ZNF536: variants seen among roughly 807,000 people sequenced by gnomAD.
ZNF536 encodes the protein zinc finger protein 536.
A neutral mutation model predicts 84.5 loss-of-function variants in ZNF536; 13 were observed. The ratio of observed to expected loss-of-function variants is 0.15; its 90% confidence interval spans 0.10 to 0.24. ZNF536 has a LOEUF of 0.24. Among genes scored for constraint, ZNF536 ranks in the 10% least tolerant of loss-of-function variants. ZNF536 has a pLI of 1.00. For synonymous variants in ZNF536, 811 were observed against 742.5 expected, an observed-to-expected ratio of 1.09 and a Z score of -1.50; for missense variants, 1,536 against 1,747.5, an observed-to-expected ratio of 0.88 and a Z score of 2.16.
At position 30,337,643 on chromosome 19, in the gene ZNF536, C is replaced by T. The variant is rs79349005; in HGVS notation, c.-119-14725C>T. 7.6e-3 allele frequency among the ~76,000 whole-genome samples: 1,153 copies of T among 152,294 alleles called. 18 individuals are homozygous for T. Among genetic ancestry groups the T allele is most frequent in the African/African-American group, 0.026 (1,061 of 41,560 alleles). The stretch of plus-strand genomic sequence containing the variant: ...CCTAGATGAGGCCTTCCTTATCTCC[C>T]TCACAGGGGCCAGAGACATGGCTAT... On this transcript the variant is annotated intron_variant, in intron 2 of 5. Transcript: ENST00000585628.
At chr19:30,662,962 C>CTTTTTTTTTT (rs951081577) in intron 1 of ZNF536, among the ~76,000 whole-genome samples, 10 of 78,768 alleles carry the variant, frequency 1.3e-4, no homozygotes, top group Admixed American at 2.7e-4. Flanking sequence ...TTTTTCGTTT[C>CTTTTTTTTTT]TTTTTTTTTT....
intron 1 of ZNF536, among the ~76,000 whole-genome samples, chr19:30,253,803 T>C (rs2024756557): frequency 6.6e-6 from 1 of 151,954 alleles, no homozygotes. Context: ...TGGCATGTGG[T>C]CCGTGAGCCA....
chr19:30,500,907 T>A (rs1266584649), intron 2 of ZNF536, among the ~76,000 whole-genome samples: 1 of 152,204 alleles, frequency 6.6e-6, no homozygotes, highest in East Asian at 1.9e-4. Context: ...GTCAGTACAA[T>A]AGGAGTGTAC....
chr19:30,598,030 G>C (rs868175218), intron 1 of ZNF536, among the ~76,000 whole-genome samples: 1 of 152,126 alleles, frequency 6.6e-6, no homozygotes, highest in Non-Finnish European at 1.5e-5. Context: ...GTTGTTGATG[G>C]TGTTGTTGTA....
intron 2 of ZNF536, among the ~76,000 whole-genome samples, chr19:30,345,129 C>T (rs528412072): frequency 1.2e-4 from 19 of 152,376 alleles, no homozygotes; most frequent in Admixed American, 4.6e-4. Context: ...AACAACCTTA[C>T]GTGGTAGGTA....
chr19:30,643,739 G>A (rs1181976194), intron 1 of ZNF536, among the ~76,000 whole-genome samples: 2 of 152,150 alleles, frequency 1.3e-5, no homozygotes, highest in Non-Finnish European at 2.9e-5. Flanking sequence ...TGTTCACTTA[G>A]GGTAGCTTTG....
chr19:30,414,815 G>A (rs2050643483), intron 1 of ZNF536, among the ~76,000 whole-genome samples: 1 of 152,140 alleles, frequency 6.6e-6, no homozygotes, highest in Admixed American at 6.5e-5. Flanking sequence ...TTCAGAGTGA[G>A]TCTGAGTCCT....
intron 1 of ZNF536, among the ~76,000 whole-genome samples, chr19:30,664,594 A>C (rs80017363): frequency 0.02 from 3,091 of 152,128 alleles, 105 homozygotes; most frequent in African/African-American, 0.071. Context: ...ATACCCACCT[A>C]CATAGGTGGG....
intron 1 of ZNF536, among the ~76,000 whole-genome samples, chr19:30,422,927 A>G (rs1340214940): frequency 2.7e-5 from 3 of 109,758 alleles, no homozygotes; most frequent in East Asian, 2.8e-4. Context: ...TCATCTGCCT[A>G]TCTACACATC....
chr19:30,617,551 T>C (rs1041348678), intron 1 of ZNF536, among the ~76,000 whole-genome samples: 6 of 151,350 alleles, frequency 4.0e-5, no homozygotes, highest in Non-Finnish European at 7.4e-5. Flanking sequence ...TGGGTTTCAC[T>C]GTGTTAGTCA....
intron 2 of ZNF536, among the ~76,000 whole-genome samples, chr19:30,307,838 A>T (rs1325716482): frequency 6.6e-6 from 1 of 152,128 alleles, no homozygotes; most frequent in Non-Finnish European, 1.5e-5. Flanking sequence ...GCTTTTAGCG[A>T]GTTGCTCTTC....
intron 2 of ZNF536, among the ~76,000 whole-genome samples, chr19:30,335,866 A>T (rs1319848746): frequency 6.6e-6 from 1 of 152,172 alleles, no homozygotes; most frequent in African/African-American, 2.4e-5. Flanking sequence ...AGCCACCAAG[A>T]ACCAGCAGGT....
rs144279835 is a variant in ZNF536 at position 30,409,066 on chromosome 19, C to A, written c.-2-34495C>A. ...TTCATCCATCCATCCACTCATCCAT[C>A]CATCCATCCATCCACCCACAAATCC... is the stretch of plus-strand genomic sequence containing the variant. On this transcript the variant is annotated intron_variant, in intron 1 of 4. Coordinates refer to ENST00000355537, the MANE Select transcript of ZNF536 (RefSeq NM_014717.3). 1.5e-4 allele frequency among the ~76,000 whole-genome samples: 23 copies of A among 151,864 alleles called. No homozygotes were observed. In the East Asian group the frequency reaches 4.5e-3, roughly 29 times the overall value.
intron 1 of ZNF536, among the ~76,000 whole-genome samples, chr19:30,566,615 C>G (rs1422602100): frequency 6.6e-6 from 1 of 152,242 alleles, no homozygotes; most frequent in African/African-American, 2.4e-5. Context: ...AGTGGAGGTC[C>G]CTGGGAGTGG....
At chr19:30,256,832 T>C (rs2024941670) in intron 1 of ZNF536, among the ~76,000 whole-genome samples, 1 of 152,216 alleles carries the variant, frequency 6.6e-6, no homozygotes, top group Non-Finnish European at 1.5e-5. Context: ...AAAATATTCA[T>C]TTATCAGTAT....
chr19:30,482,839 A>C (rs148556655), intron 2 of ZNF536, among the ~76,000 whole-genome samples: 455 of 152,134 alleles, frequency 3.0e-3, no homozygotes, highest in African/African-American at 0.01. Context: ...TTGTGTTTGC[A>C]GGGGACCCTC....
At chr19:30,469,143 G>A (rs1310127051) in intron 2 of ZNF536, among the ~76,000 whole-genome samples, 1 of 152,152 alleles carries the variant, frequency 6.6e-6, no homozygotes, top group East Asian at 1.9e-4. Flanking sequence ...GACCGGGCAC[G>A]GTAGCTCACG....
chr19:30,509,209 A>T (rs562747448), intron 2 of ZNF536, among the ~76,000 whole-genome samples: 86 of 149,338 alleles, frequency 5.8e-4, no homozygotes, highest in Non-Finnish European at 2.2e-4. Context: ...GAGGGACAAA[A>T]CTTGCAAATC....
chr19:30,482,962 A>G (rs2054149045), intron 2 of ZNF536, among the ~76,000 whole-genome samples: 1 of 152,136 alleles, frequency 6.6e-6, no homozygotes, highest in South Asian at 2.1e-4. Context: ...TGCTTTGGGC[A>G]GACAGGAGCC....
Sources: gnomAD v4.1 joint callset for allele counts (sites outside exome capture counted in the v4.1 genomes callset) on GRCh38, gnomAD v4.1.1 for gene constraint, MANE v1.5 for transcripts, NCBI Gene and HGNC (gene_info 2026-07-23, HGNC 2026-07-21) for gene names.